Variants in DEFB124 observed in about 807,000 individuals in gnomAD.
DEFB124 encodes the protein beta-defensin 124.
For missense variants in DEFB124, 78 were observed against 83.1 expected (o/e 0.94, Z 0.24); for synonymous variants, 38 against 36.5 (o/e 1.04, Z -0.15).
intron 2 of DEFB124, among the ~76,000 whole-genome samples, chr20:31,468,620 C>G (rs890253741): frequency 6.6e-6 from 1 of 151,850 alleles, no homozygotes; most frequent in Admixed American, 6.6e-5. Flanking sequence ...GGATTACAGG[C>G]GCCCACCACC....
intron 2 of DEFB124, among the ~76,000 whole-genome samples, chr20:31,471,618 C>T (rs1445826230): frequency 2.5e-4 from 37 of 146,478 alleles, no homozygotes; most frequent in African/African-American, 9.3e-4. Flanking sequence ...GGGTGGCTGC[C>T]GGGCAGAGGG....
At chr20:31,465,721 T>C in intron 2 of DEFB124, 58 bp from the exon 3 acceptor site, 2 of 1,583,074 alleles carry the variant, frequency 1.3e-6, no homozygotes, top group Non-Finnish European at 8.6e-7. Context: ...GTTAGACCAC[T>C]GGTCACAAGT....
At chr20:31,472,414 C>T (rs1427444323) in intron 2 of DEFB124, among the ~76,000 whole-genome samples, 2 of 124,816 alleles carry the variant, frequency 1.6e-5, no homozygotes, top group Admixed American at 1.9e-4. Flanking sequence ...AGAGGGAGAC[C>T]GAGAGGGAGA....
chr20:31,468,411 G>A (rs1980136242), intron 2 of DEFB124, among the ~76,000 whole-genome samples: 1 of 152,122 alleles, frequency 6.6e-6, no homozygotes, highest in Admixed American at 6.5e-5. Flanking sequence ...TAACAAAACA[G>A]GATTGGTTCA....
At chr20:31,470,972 T>C in intron 2 of DEFB124, among the ~76,000 whole-genome samples, 2 of 119,124 alleles carry the variant, frequency 1.7e-5, no homozygotes, top group Admixed American at 8.7e-5. Context: ...GAAGCGCCCC[T>C]CACTTCCCGG....
intron 2 of DEFB124, among the ~76,000 whole-genome samples, chr20:31,471,659 G>C (rs1421913390): frequency 3.5e-5 from 5 of 143,538 alleles, no homozygotes; most frequent in African/African-American, 8.1e-5. Flanking sequence ...GGCAGCTGCC[G>C]GGCGGAGGGG....
At chr20:31,471,256 C>A (rs1203253579) in intron 2 of DEFB124, among the ~76,000 whole-genome samples, 3 of 132,062 alleles carry the variant, frequency 2.3e-5, no homozygotes, top group Admixed American at 1.5e-4. Context: ...CCAGTAGGGG[C>A]GGCTGGGCAG....
intron 2 of DEFB124, among the ~76,000 whole-genome samples, chr20:31,471,157 C>G (rs1254160528): frequency 1.5e-5 from 2 of 135,524 alleles, no homozygotes; most frequent in Non-Finnish European, 1.6e-5. Context: ...ACCTCCCTCC[C>G]GGACGAGGCG....
intron 2 of DEFB124, among the ~76,000 whole-genome samples, chr20:31,470,884 A>C (rs1600568242): frequency 8.3e-6 from 1 of 120,352 alleles, no homozygotes; most frequent in South Asian, 2.8e-4. Context: ...CGGGGGGCTG[A>C]GCCCCCCACC....
intron 2 of DEFB124, among the ~76,000 whole-genome samples, chr20:31,472,238 CA>C (rs1980344430): frequency 6.6e-6 from 1 of 152,186 alleles, no homozygotes; most frequent in Non-Finnish European, 1.5e-5. Flanking sequence ...CCATCTCCAC[CA>C]AAAAAGTACG....
At chr20:31,470,866 T>A (rs1418559796) in intron 2 of DEFB124, among the ~76,000 whole-genome samples, 2 of 138,302 alleles carry the variant, frequency 1.4e-5, no homozygotes, top group Non-Finnish European at 3.2e-5. Context: ...ACGGGGCGGC[T>A]GGCCGGGCGG....
intron 2 of DEFB124, 80 bp from the exon 3 acceptor site, chr20:31,465,743 T>C (rs1177427704): frequency 2.0e-6 from 3 of 1,529,488 alleles, no homozygotes; most frequent in Non-Finnish European, 2.7e-6. Context: ...AGGCCACAGA[T>C]TCACTAACAC....
At chr20:31,466,070 T>C (rs1980076342) in intron 2 of DEFB124, among the ~76,000 whole-genome samples, 1 of 152,000 alleles carries the variant, frequency 6.6e-6, no homozygotes, top group Non-Finnish European at 1.5e-5. Context: ...GGCAGGAGAA[T>C]CACTTGAACC....
At chr20:31,470,830 T>G (rs770899374) in intron 2 of DEFB124, among the ~76,000 whole-genome samples, 4,350 of 43,074 alleles carry the variant, frequency 0.1, no homozygotes, top group Middle Eastern at 0.13. Flanking sequence ...CCGGGCGGGG[T>G]GCTGATCCCC....
chr20:31,468,848 A>G (rs1980149708), intron 2 of DEFB124, among the ~76,000 whole-genome samples: 1 of 152,120 alleles, frequency 6.6e-6, no homozygotes, highest in African/African-American at 2.4e-5. Flanking sequence ...GGCTGGGCTC[A>G]TGCCTGTAAT....
chr20:31,470,264 C>A (rs1378544075), intron 2 of DEFB124, among the ~76,000 whole-genome samples: 1 of 141,564 alleles, frequency 7.1e-6, no homozygotes, highest in East Asian at 2.3e-4. Flanking sequence ...CTGACCCCCC[C>A]ACCTCCCTCC....
chr20:31,469,116 A>C (rs1980157699), intron 2 of DEFB124, among the ~76,000 whole-genome samples: 1 of 152,194 alleles, frequency 6.6e-6, no homozygotes, highest in Non-Finnish European at 1.5e-5. Flanking sequence ...CCAAAATAAA[A>C]AGTTTTTAAA....
At chr20:31,472,917 G>GCACACA (rs34150499) in intron 2 of DEFB124, 39 bp downstream of exon 2, 192,901 of 1,520,992 alleles carry the variant, frequency 0.13, 6,528 homozygotes, top group African/African-American at 0.34. Context: ...GCACACATGT[G>GCACACA]CACACACACA....
chr20:31,470,497 G>A (rs1252026445), intron 2 of DEFB124, among the ~76,000 whole-genome samples: 1 of 134,122 alleles, frequency 7.5e-6, no homozygotes, highest in Non-Finnish European at 1.6e-5. Flanking sequence ...CTTCCCAGTA[G>A]GGGCGGCTGG....
Sources: allele counts gnomAD v4.1 joint callset (sites outside exome capture counted in the v4.1 genomes callset), GRCh38; gene constraint gnomAD v4.1.1; transcripts MANE v1.5; gene names NCBI Gene and HGNC (gene_info 2026-07-23, HGNC 2026-07-21).